The following CCDC102B variants were observed in gnomAD, a reference collection of about 807,000 sequenced individuals.
The protein encoded by CCDC102B is coiled-coil domain-containing protein 102B.
In CCDC102B, 75 loss-of-function variants were observed where a neutral mutation model predicts 57.4. The observed-to-expected ratio is 1.31, with a 90% CI of 1.08 to 1.58. CCDC102B has a LOEUF of 1.58. Among genes scored for constraint, CCDC102B ranks in the 40% most tolerant of loss-of-function variants. The pLI is 0.00. For synonymous variants in CCDC102B, 206 were observed against 201.9 expected, an observed-to-expected ratio of 1.02 and a Z score of -0.17; for missense variants, 636 against 582.6, an observed-to-expected ratio of 1.09 and a Z score of -0.94.
chr18:68,818,803 T>C (rs1313115119), intron 1 of CCDC102B, among the ~76,000 whole-genome samples: 1 of 152,186 alleles, frequency 6.6e-6, no homozygotes, highest in Non-Finnish European at 1.5e-5. Context: ...TTAGGAATAA[T>C]GTTGCTATGA....
At chr18:68,748,849 G>A (rs939248650) in intron 2 of CCDC102B, among the ~76,000 whole-genome samples, 6 of 152,160 alleles carry the variant, frequency 3.9e-5, no homozygotes, top group Admixed American at 6.6e-5. Context: ...GACTGGCAAT[G>A]TGTGGCAGAG....
chr18:69,001,176 C>T (rs2051191675), intron 6 of CCDC102B, among the ~76,000 whole-genome samples: 1 of 152,114 alleles, frequency 6.6e-6, no homozygotes, highest in Non-Finnish European at 1.5e-5. Flanking sequence ...ACAATTTTTA[C>T]TCATATTTCA....
intron 2 of CCDC102B, among the ~76,000 whole-genome samples, chr18:68,732,608 A>G (rs2032932105): frequency 2.0e-5 from 3 of 152,112 alleles, no homozygotes; most frequent in Admixed American, 2.0e-4. Context: ...CAGCCTCCCA[A>G]AGTACTGGGA....
At chr18:69,032,693 C>T (rs2052180643) in intron 7 of CCDC102B, among the ~76,000 whole-genome samples, 1 of 152,124 alleles carries the variant, frequency 6.6e-6, no homozygotes, top group African/African-American at 2.4e-5. Flanking sequence ...TGCAAGTGAT[C>T]TCTGGGATGC....
At chr18:68,936,660 C>T (rs542958208) in intron 6 of CCDC102B, among the ~76,000 whole-genome samples, 1 of 151,796 alleles carries the variant, frequency 6.6e-6, no homozygotes, top group East Asian at 1.9e-4. Context: ...CCTTGTGTGA[C>T]TGGATCAAAT....
At chr18:68,854,762 T>A (rs2038307277) in intron 4 of CCDC102B, among the ~76,000 whole-genome samples, 1 of 152,212 alleles carries the variant, frequency 6.6e-6, no homozygotes, top group South Asian at 2.1e-4. Flanking sequence ...AGCAGATGCT[T>A]GAAGACAGGC....
At chr18:68,911,529 G>A (rs1270689704) in intron 6 of CCDC102B, among the ~76,000 whole-genome samples, 6 of 150,282 alleles carry the variant, frequency 4.0e-5, no homozygotes, top group African/African-American at 1.2e-4. Flanking sequence ...GAGGCGGGCG[G>A]ATCACGAGGT....
intron 4 of CCDC102B, among the ~76,000 whole-genome samples, chr18:68,848,277 C>T (rs1037617549): frequency 2.0e-5 from 3 of 152,050 alleles, no homozygotes; most frequent in African/African-American, 7.2e-5. Flanking sequence ...TTCTTTCTTA[C>T]TCCCTTTTTC....
Position 68,798,441 on chromosome 18 carries a change from A to G in CCDC102B, c.-16+260A>G, listed in dbSNP as rs925049777. ...GTCTTTAAAAAATAACTGTATACTA[A>G]GCAAAACTCAGGTAAGAATTTCGAC... On this transcript the variant is annotated intron_variant, in intron 1 of 7. Transcript: ENST00000360242. The G allele has an allele frequency of 6.6e-5, 10 of 152,280 alleles. No individual in the cohort carries two copies. The East Asian group carries it at 1.9e-3, about 29-fold the overall frequency. The allele number at this position is 152,280 out of a possible 1,614,324, so 9.4% of individuals were successfully genotyped here. A position where few individuals can be genotyped will look rare whatever the true frequency, so the allele number is the denominator to read the frequency against.
intron 2 of CCDC102B, among the ~76,000 whole-genome samples, chr18:68,782,621 G>C (rs962724297): frequency 3.9e-5 from 6 of 152,206 alleles, no homozygotes; most frequent in African/African-American, 1.2e-4. Context: ...CCCTCCTACA[G>C]TTCAGAGACA....
rs558544166 is a variant in CCDC102B at position 69,018,527 on chromosome 18, G to C, written c.1434+7423G>C. On this transcript the variant is annotated intron_variant, in intron 7 of 7. Transcript: ENST00000360242. The stretch of plus-strand genomic sequence containing the variant: ...ACAGTTTGACTTTCTCTGATGATTA[G>C]TGATGTCGAGCACCTTTTCAAATAC... 5.9e-5 allele frequency among the ~76,000 whole-genome samples: 9 copies of C among 152,240 alleles called. No individual in the cohort carries two copies. In the East Asian group the frequency reaches 9.6e-4, roughly 16 times the overall value.
At chr18:68,972,027 C>CA (rs2050314347) in intron 6 of CCDC102B, among the ~76,000 whole-genome samples, 1 of 152,068 alleles carries the variant, frequency 6.6e-6, no homozygotes, top group Non-Finnish European at 1.5e-5. Flanking sequence ...GGCAAGACCA[C>CA]ATGCTTGGAA....
At chr18:68,900,076 A>G (rs2040388075) in intron 6 of CCDC102B, 1 of 152,164 alleles carries the variant, frequency 6.6e-6, no homozygotes, top group African/African-American at 2.4e-5. Flanking sequence ...CCAATGTAAT[A>G]GACTTTTCTA....
intron 2 of CCDC102B, among the ~76,000 whole-genome samples, chr18:68,719,598 C>T (rs1025182507): frequency 2.6e-5 from 4 of 152,148 alleles, no homozygotes; most frequent in Non-Finnish European, 4.4e-5. Flanking sequence ...GATGCCCCCA[C>T]CTCCCCCCAC....
chr18:68,895,397 C>T (rs1385019489), intron 5 of CCDC102B, among the ~76,000 whole-genome samples: 1 of 151,470 alleles, frequency 6.6e-6, no homozygotes, highest in Non-Finnish European at 1.5e-5. Context: ...GCTTTTATAT[C>T]ATAATTTATT....
chr18:68,824,539 A>G (rs1272791965), intron 1 of CCDC102B, among the ~76,000 whole-genome samples: 1 of 152,194 alleles, frequency 6.6e-6, no homozygotes. Context: ...TTCGAGTACT[A>G]TGTTGAACAG....
chr18:69,013,399 GAT>G (rs1568125357), intron 7 of CCDC102B, among the ~76,000 whole-genome samples: 1 of 152,148 alleles, frequency 6.6e-6, no homozygotes, highest in Non-Finnish European at 1.5e-5. Context: ...GAGGGTAAAT[GAT>G]AAGAAATTAC....
chr18:68,861,991 C>A (rs2038780267), intron 4 of CCDC102B, among the ~76,000 whole-genome samples: 2 of 152,122 alleles, frequency 1.3e-5, no homozygotes, highest in South Asian at 4.1e-4. Flanking sequence ...AGAATAACTT[C>A]TTTCTACTGA....
intron 6 of CCDC102B, among the ~76,000 whole-genome samples, chr18:69,008,531 A>T (rs2051414137): frequency 6.6e-6 from 1 of 152,226 alleles, no homozygotes; most frequent in Non-Finnish European, 1.5e-5. Context: ...CAGGACAGAA[A>T]CTAAAAATGT....
Sources: allele counts gnomAD v4.1 joint callset (sites outside exome capture counted in the v4.1 genomes callset), GRCh38; gene constraint gnomAD v4.1.1; transcripts MANE v1.5; gene names NCBI Gene and HGNC (gene_info 2026-07-23, HGNC 2026-07-21).